The following PTPRJ variants were observed in gnomAD, a reference collection of about 807,000 sequenced individuals.
PTPRJ encodes the protein receptor-type tyrosine-protein phosphatase eta.
PTPRJ carries 129 observed loss-of-function variants against 141.3 expected under a neutral mutation model. The observed-to-expected ratio is 0.91, with a 90% CI of 0.79 to 1.06. The LOEUF (loss-of-function observed/expected upper bound fraction) is 1.06. Ranked by LOEUF, PTPRJ falls within the 50% of genes least tolerant of loss-of-function variation. The probability of loss-of-function intolerance (pLI) is 0.00; values close to 1 mark genes in which losing one functional copy is unlikely to be tolerated. For missense variants in PTPRJ, 1,601 were observed against 1,679.7 expected (o/e 0.95, Z 0.82); for synonymous variants, 610 against 640.5 (o/e 0.95, Z 0.72).
At chr11:48,140,830 T>C (rs936823216) in intron 11 of PTPRJ, among the ~76,000 whole-genome samples, 1 of 152,168 alleles carries the variant, frequency 6.6e-6, no homozygotes, top group Non-Finnish European at 1.5e-5. Context: ...CTGTGAAGTA[T>C]TAATGAGTTA....
chr11:48,005,564 C>T (rs1565253408), intron 1 of PTPRJ, among the ~76,000 whole-genome samples: 1 of 152,230 alleles, frequency 6.6e-6, no homozygotes, highest in African/African-American at 2.4e-5. Flanking sequence ...TATTTCATCA[C>T]AGAGAGATAC....
intron 1 of PTPRJ, among the ~76,000 whole-genome samples, chr11:48,091,321 G>A (rs774398627): frequency 2.6e-5 from 4 of 152,172 alleles, no homozygotes; most frequent in Non-Finnish European, 5.9e-5. Flanking sequence ...ATGTTTCCTG[G>A]CCTAGGGGAA....
chr11:47,996,843 G>A (rs74679637), intron 1 of PTPRJ, among the ~76,000 whole-genome samples: 4,118 of 152,320 alleles, frequency 0.027, 72 homozygotes, highest in Non-Finnish European at 0.041. Flanking sequence ...AGATGGGGGT[G>A]CAGGGGTGGA....
intron 1 of PTPRJ, among the ~76,000 whole-genome samples, chr11:48,079,086 G>A (rs1185080565): frequency 6.6e-6 from 1 of 151,724 alleles, no homozygotes. Context: ...GTTTCCCTGG[G>A]CCACACTGGA....
intron 1 of PTPRJ, among the ~76,000 whole-genome samples, chr11:47,983,583 T>A (rs1289455395): frequency 6.6e-6 from 1 of 152,246 alleles, no homozygotes; most frequent in African/African-American, 2.4e-5. Flanking sequence ...TCCCCTTTTC[T>A]AAGACAGGAA....
chr11:47,985,938 T>G (rs923584909), intron 1 of PTPRJ, among the ~76,000 whole-genome samples: 1 of 152,092 alleles, frequency 6.6e-6, no homozygotes, highest in African/African-American at 2.4e-5. Context: ...CAACCTCAGG[T>G]GATCCGCCCA....
rs117721318 is a variant in PTPRJ at position 48,071,760 on chromosome 11, C to A, written c.97-38298C>A. 6.6e-4 allele frequency among the ~76,000 whole-genome samples: 99 copies of A among 150,016 alleles called. 7 individuals are homozygous for A. In the East Asian group the frequency reaches 0.017, roughly 26 times the overall value. On this transcript the variant is annotated intron_variant, in intron 1 of 24. Transcript: ENST00000418331. The stretch of plus-strand genomic sequence containing the variant: ...AGTAGCTGGGACTACAGATGCATCA[C>A]GCCCAGCTAATTTTTGTATTTTCAG...
intron 19 of PTPRJ, 137 bp downstream of exon 19, chr11:48,154,023 T>C (rs183032843): frequency 2.9e-6 from 2 of 697,874 alleles, no homozygotes; most frequent in East Asian, 2.7e-5. Flanking sequence ...TCCACAACCA[T>C]CCATTATTCA....
intron 12 of PTPRJ, 68 bp from the exon 13 acceptor site, chr11:48,144,607 G>A: frequency 8.0e-7 from 1 of 1,248,338 alleles, no homozygotes; most frequent in South Asian, 1.3e-5. Flanking sequence ...CCACCATGTA[G>A]ATATGCAGGA....
rs1031137315 is a variant in PTPRJ at position 48,089,049 on chromosome 11, C to G, written c.97-21009C>G. The stretch of plus-strand genomic sequence containing the variant: ...TTTCATCCCCGGTTAGCGTGCTGTG[C>G]GCCAGGAGGGCTGCCTGTTGTCTTT... On this transcript the variant is annotated intron_variant, in intron 1 of 24. Coordinates refer to ENST00000418331, the MANE Select transcript of PTPRJ (RefSeq NM_002843.4). 5.3e-5 allele frequency among the ~76,000 whole-genome samples: 8 copies of G among 152,182 alleles called. No individual in the cohort carries two copies. The East Asian group carries it at 5.8e-4, about 11-fold the overall frequency.
At chr11:48,146,833 C>T (rs1436578135) in intron 14 of PTPRJ, 43 bp from the exon 15 acceptor site, 4 of 1,540,236 alleles carry the variant, frequency 2.6e-6, no homozygotes, top group Non-Finnish European at 3.6e-6. Context: ...GTGTGGTCTG[C>T]ATGAACACCT....
chr11:48,008,748 A>T (rs1475423579), intron 1 of PTPRJ, among the ~76,000 whole-genome samples: 1 of 151,828 alleles, frequency 6.6e-6, no homozygotes, highest in Non-Finnish European at 1.5e-5. Context: ...TATTTTTCAT[A>T]GAGGTGGGGT....
In PTPRJ at chr11:48,168,534, G is replaced by GTA. The variant is rs71045551; in HGVS notation, c.*1219_*1220dup. 3.6e-3 allele frequency: 160 copies of GTA among 44,028 alleles called. 2 individuals are homozygous for GTA. Among genetic ancestry groups the GTA allele is most frequent in the African/African-American group, 4.2e-3 (46 of 10,990 alleles). The allele number at this position is 44,028 out of a possible 1,614,324, so 2.7% of individuals were successfully genotyped here. ...CGTGACACATATCGGAATCTACTGTGTATATATATATATATATATATATAT... is the reference window on the plus strand; with the variant it reads ...CGTGACACATATCGGAATCTACTGTGTATATATATATATATATATATATATAT... On this transcript the variant is annotated 3_prime_UTR_variant, in exon 25 of 25. Transcript: ENST00000418331.
rs186249041 is a variant in PTPRJ, at chr11:48,120,504, C to T, written c.353-499C>T. Among the ~76,000 whole-genome samples the T allele has an allele frequency of 6.8e-3, 1,041 of 152,250 alleles. 9 individuals are homozygous for T. Among genetic ancestry groups the T allele is most frequent in the African/African-American group, 0.023 (961 of 41,526 alleles). On this transcript the variant is annotated intron_variant, in intron 3 of 24. Transcript: ENST00000418331. ...GCAGTGGCGCGATCTTGGCTCACTG[C>T]AACCTCCACCTCCCGGGTTCAAGTG...
At chr11:48,151,852 G>T (rs10838808) in intron 18 of PTPRJ, among the ~76,000 whole-genome samples, 68,273 of 152,052 alleles carry the variant, frequency 0.45, 18,473 homozygotes, top group Non-Finnish European at 0.58. Context: ...ATCATTGATG[G>T]GCATTTCGGT....
chr11:48,050,342 C>A (rs1049759427), intron 1 of PTPRJ, among the ~76,000 whole-genome samples: 1 of 152,056 alleles, frequency 6.6e-6, no homozygotes, highest in Non-Finnish European at 1.5e-5. Context: ...CACATATGCA[C>A]GGCCTCCCCC....
chr11:48,053,548 T>TTATATATATAATTTATATATATATAAAAC (rs1555036825), intron 1 of PTPRJ, among the ~76,000 whole-genome samples: 2 of 133,350 alleles, frequency 1.5e-5, no homozygotes, highest in East Asian at 2.0e-4. Flanking sequence ...ATTATATATT[T>TTATATATATAATTTATATATATATAAAAC]TATATATATA....
At chr11:48,059,758 G>C (rs1012855895) in intron 1 of PTPRJ, among the ~76,000 whole-genome samples, 1 of 152,206 alleles carries the variant, frequency 6.6e-6, no homozygotes, top group African/African-American at 2.4e-5. Flanking sequence ...TGATGAGGTA[G>C]CTACTGTTAG....
chr11:48,001,468 G>A (rs1008409220), intron 1 of PTPRJ, among the ~76,000 whole-genome samples: 5 of 151,726 alleles, frequency 3.3e-5, no homozygotes, highest in Non-Finnish European at 5.9e-5. Flanking sequence ...TTTGATTTGG[G>A]TTTGAATCCC....
Sources: gnomAD v4.1 joint callset for allele counts (sites outside exome capture counted in the v4.1 genomes callset) on GRCh38, gnomAD v4.1.1 for gene constraint, MANE v1.5 for transcripts, NCBI Gene and HGNC (gene_info 2026-07-23, HGNC 2026-07-21) for gene names.